Variants in ZFP69 observed in about 807,000 individuals in gnomAD.
ZFP69 encodes ZFP69 zinc finger protein.
ZFP69 carries 35 observed loss-of-function variants against 48.9 expected under a neutral mutation model. That is an observed-to-expected ratio of 0.72 (90% CI 0.55 to 0.95). ZFP69 has a LOEUF of 0.95. ZFP69 is among the 40% of genes least tolerant of loss of function. The probability of loss-of-function intolerance (pLI) is 0.00; values close to 1 mark genes in which losing one functional copy is unlikely to be tolerated. For synonymous variants in ZFP69, 193 were observed against 216.8 expected (o/e 0.89, Z 0.96); for missense variants, 557 against 638.4 (o/e 0.87, Z 1.37).
At position 40,479,400 on chromosome 1, in the gene ZFP69, C is replaced by G; in HGVS notation, c.39C>G (p.Ala13=). Residue 13 remains alanine (A), a synonymous_variant, in exon 2 of 6, where the codon GCC becomes GCG. Transcript: ENST00000372706. ...QQLLITLPTE[A]STWVKLQHPK... ...TCCTGATCACCCTGCCTACCGAGGC[C>G]AGCACCTGGGTGAAGCTGCAACATC... 6.2e-7 allele frequency: 1 copy of G among 1,614,140 alleles called. No individual in the cohort carries two copies.
In ZFP69 at chr1:40,496,127, A is replaced by G; in HGVS notation, c.*68A>G. ...GTGATTTAGAGTGCTTTAAAATTTC[A>G]GGACTCAGATATGAGGAATTGATGT... On this transcript the variant is annotated 3_prime_UTR_variant, in exon 6 of 6. Coordinates refer to ENST00000372706, the MANE Select transcript of ZFP69 (RefSeq NM_001320179.2). 1 of 1,474,504 alleles carries G rather than the reference A, an allele frequency of 6.8e-7. No individual in the cohort carries two copies. The highest frequency in any genetic ancestry group is 2.0e-4 in the Middle Eastern group (1 of 5,070). 91.3% of individuals were successfully genotyped at this position (1,474,504 alleles called of 1,614,324 possible). A position where few individuals can be genotyped will look rare whatever the true frequency, so the allele number is the denominator to read the frequency against.
At chr1:40,484,323 C>T (rs1645473535) in intron 3 of ZFP69, among the ~76,000 whole-genome samples, 1 of 151,462 alleles carries the variant, frequency 6.6e-6, no homozygotes, top group Non-Finnish European at 1.5e-5. Context: ...CCTCAGCCTC[C>T]CGAGTAGCTG....
At chr1:40,484,997 A>G (rs1289077540) in intron 3 of ZFP69, among the ~76,000 whole-genome samples, 1 of 143,392 alleles carries the variant, frequency 7.0e-6, no homozygotes, top group Non-Finnish European at 1.5e-5. Context: ...GGTTCAAGCG[A>G]TTCTCCTGCC....
rs1645613749 is a variant in ZFP69 at position 40,494,978 on chromosome 1, A to C, written c.500A>C (p.Glu167Ala). Residue 167 changes from glutamate (E) to alanine (A), a missense_variant, in exon 6 of 6, where the codon GAG becomes GCG. Coordinates refer to ENST00000372706, the MANE Select transcript of ZFP69 (RefSeq NM_001320179.2). The part of the protein sequence containing the change: ...ESTAKSTISQ[E>A]RLYHGIMMES... The stretch of plus-strand genomic sequence containing the variant: ...ACTGCAAAGAGTACCATTTCACAGG[A>C]GCGCTTATATCATGGCATTATGATG... The C allele has an allele frequency of 6.2e-7, 1 of 1,613,902 alleles. No homozygotes were observed. The highest frequency in any genetic ancestry group is 8.5e-7 in the Non-Finnish European group (1 of 1,179,960).
At chr1:40,488,570 C>T (rs1369431084) in intron 3 of ZFP69, among the ~76,000 whole-genome samples, 1 of 152,186 alleles carries the variant, frequency 6.6e-6, no homozygotes, top group East Asian at 1.9e-4. Context: ...CATTTCTTTC[C>T]ACTCTCTCAT....
chr1:40,489,240 A>T, intron 4 of ZFP69, 26 bp downstream of exon 4: 1 of 1,612,154 alleles, frequency 6.2e-7, no homozygotes, highest in Non-Finnish European at 8.5e-7. Flanking sequence ...CCATGCATCC[A>T]GAAACCCACC....
intron 5 of ZFP69, among the ~76,000 whole-genome samples, chr1:40,494,418 G>A (rs897807780): frequency 3.4e-5 from 5 of 144,958 alleles, no homozygotes; most frequent in Non-Finnish European, 6.1e-5. Context: ...ACAGGCGCCC[G>A]CCACTACGCC....
intron 5 of ZFP69, among the ~76,000 whole-genome samples, chr1:40,489,841 G>GAGGTGCC (rs1464538863): frequency 1.3e-5 from 2 of 151,420 alleles, no homozygotes; most frequent in African/African-American, 2.4e-5. Flanking sequence ...AGTGAAGGAG[G>GAGGTGCC]AGGTGCCAGG....
intron 3 of ZFP69, among the ~76,000 whole-genome samples, chr1:40,485,754 G>A (rs1645489706): frequency 6.6e-6 from 1 of 152,146 alleles, no homozygotes; most frequent in Non-Finnish European, 1.5e-5. Context: ...AAGAATTCTA[G>A]GTTGACTGCT....
intron 3 of ZFP69, among the ~76,000 whole-genome samples, chr1:40,486,461 CCCTCCCTCCTTTCTT>C (rs1431655269): frequency 4.8e-4 from 49 of 102,502 alleles, no homozygotes; most frequent in East Asian, 3.6e-3. Flanking sequence ...CTCCATCCCT[CCCTCCCTCCTTTCTT>C]CCTCCCTCCC....
intron 5 of ZFP69, among the ~76,000 whole-genome samples, chr1:40,494,566 C>T (rs1645605858): frequency 6.8e-6 from 1 of 146,396 alleles, no homozygotes; most frequent in Non-Finnish European, 1.5e-5. Context: ...CCGCGCCCGG[C>T]CCAAATATTT....
At chr1:40,493,547 C>T (rs1322733078) in intron 5 of ZFP69, 1 of 152,168 alleles carries the variant, frequency 6.6e-6, no homozygotes, top group Non-Finnish European at 1.5e-5. Flanking sequence ...TCATTCAAAA[C>T]TAAACCCTCT....
At chr1:40,478,438 G>A (rs1645411218) in intron 1 of ZFP69, among the ~76,000 whole-genome samples, 1 of 152,148 alleles carries the variant, frequency 6.6e-6, no homozygotes, top group Non-Finnish European at 1.5e-5. Flanking sequence ...TCTTCCCAGT[G>A]TGGTTCCAAG....
chr1:40,490,994 T>G (rs1315855308), intron 5 of ZFP69: 4 of 152,182 alleles, frequency 2.6e-5, no homozygotes, highest in Non-Finnish European at 5.9e-5. Flanking sequence ...CCTTACACCT[T>G]TTGAAATAAG....
rs1233359918 is a variant in ZFP69 at position 40,495,718 on chromosome 1, A to G, written c.1240A>G (p.Thr414Ala). ...IHTGEKPYACTACCKTFSHRA... is the reference protein window; with the variant it reads ...IHTGEKPYACAACCKTFSHRA... ...TACCGGGGAGAAGCCCTATGCATGC[A>G]CTGCATGTTGTAAAACCTTTAGTCA... The change falls in exon 6 of 6, where the codon ACT becomes GCT. Residue 414 changes from threonine to alanine, a missense_variant. Transcript: ENST00000372706. 2 of 1,614,104 alleles carry G rather than the reference A, an allele frequency of 1.2e-6. No homozygotes were observed. The highest frequency in any genetic ancestry group is 1.3e-5 in the African/African-American group (1 of 74,946).
rs56706952 is a variant in ZFP69 at position 40,483,226 on chromosome 1, A to ATTTTTTTTTTTTT, written c.219+1380_219+1392dup. On this transcript the variant is annotated intron_variant, in intron 3 of 5. Coordinates refer to ENST00000372706, the MANE Select transcript of ZFP69 (RefSeq NM_001320179.2). ...AAAATCAAACCATACACCTTTTTTAATTTTTTTTTTTTTTTTTTTTAGAGA... is the reference window on the plus strand; with the variant it reads ...AAAATCAAACCATACACCTTTTTTAATTTTTTTTTTTTTTTTTTTTTTTTTTTTTTTTTAGAGA... 3.8e-4 allele frequency among the ~76,000 whole-genome samples: 44 copies of ATTTTTTTTTTTTT among 116,956 alleles called. 5 individuals carry two copies. Among genetic ancestry groups the ATTTTTTTTTTTTT allele is most frequent in the African/African-American group, 1.4e-3 (38 of 27,260 alleles). The allele number at this position is 116,956 out of a possible 152,430, so 76.7% of individuals were successfully genotyped here. A position where few individuals can be genotyped will look rare whatever the true frequency, so the allele number is the denominator to read the frequency against.
chr1:40,494,459 G>C (rs1450355858), intron 5 of ZFP69, among the ~76,000 whole-genome samples: 4 of 145,272 alleles, frequency 2.8e-5, no homozygotes, highest in African/African-American at 1.0e-4. Context: ...TAGTAGAGAC[G>C]GGGTTTCACC....
chr1:40,489,234 GC>G lies in ZFP69; in HGVS notation c.346+21del. The G allele has an allele frequency of 6.2e-7, 1 of 1,612,722 alleles. No individual in the cohort carries two copies. The highest frequency in any genetic ancestry group is 1.1e-5 in the South Asian group (1 of 90,978). ...CAGTGGGTAAGACTTGGCTATCCAT[GC>G]ATCCAGAAACCCACCCATTACAGGA... On this transcript the variant is annotated intron_variant, in intron 4 of 5. Coordinates refer to ENST00000372706, the MANE Select transcript of ZFP69 (RefSeq NM_001320179.2).
At chr1:40,484,212 TTTTTA>T (rs1180833454) in intron 3 of ZFP69, among the ~76,000 whole-genome samples, 1 of 152,194 alleles carries the variant, frequency 6.6e-6, no homozygotes, top group Non-Finnish European at 1.5e-5. Context: ...TTGGTTTTGT[TTTTTA>T]AAGACAGAGT....
Sources: allele counts gnomAD v4.1 joint callset (sites outside exome capture counted in the v4.1 genomes callset), GRCh38; gene constraint gnomAD v4.1.1; transcripts MANE v1.5; gene names NCBI Gene and HGNC (gene_info 2026-07-23, HGNC 2026-07-21).